The following TNS3 variants were observed in gnomAD, a reference collection of about 807,000 sequenced individuals.
TNS3 encodes tensin 3, also known as tensin-3.
Under a neutral mutation model 140.9 loss-of-function variants are expected in TNS3, and 45 were observed. That is an observed-to-expected ratio of 0.32 (90% CI 0.25 to 0.41). TNS3 has a LOEUF of 0.41. Ranked by LOEUF, TNS3 falls within the 10% of genes least tolerant of loss-of-function variation. The pLI is 1.00. For synonymous variants in TNS3, 815 were observed against 788.4 expected, an observed-to-expected ratio of 1.03 and a Z score of -0.56; for missense variants, 1,716 against 1,906.7, an observed-to-expected ratio of 0.90 and a Z score of 1.86.
intron 4 of TNS3, among the ~76,000 whole-genome samples, chr7:47,450,427 T>C (rs561525756): frequency 2.6e-5 from 4 of 152,340 alleles, no homozygotes; most frequent in African/African-American, 9.6e-5. Flanking sequence ...TACACATGAC[T>C]ATAAACTGTG....
intron 4 of TNS3, among the ~76,000 whole-genome samples, chr7:47,480,684 T>C (rs1444781607): frequency 2.0e-5 from 3 of 152,176 alleles, no homozygotes; most frequent in Admixed American, 6.5e-5. Flanking sequence ...CACCCAGTAT[T>C]TGTCAGAGCT....
In TNS3 at chr7:47,300,109, GT is replaced by G. The variant is rs1407412494; in HGVS notation, c.3544+2076del. On this transcript the variant is annotated intron_variant, in intron 23 of 30. Coordinates refer to ENST00000311160, the MANE Select transcript of TNS3 (RefSeq NM_022748.12). ...GCACTCCCAAAGAGGTTATCTGGGT[GT>G]TTTTTTTCCTCCTGCATCACCCTGA... 2.0e-5 allele frequency among the ~76,000 whole-genome samples: 3 copies of G among 151,938 alleles called. 1 individual carries two copies. The highest frequency in any genetic ancestry group is 4.4e-5 in the Non-Finnish European group (3 of 67,990).
At chr7:47,439,851 G>A (rs1043618026) in intron 5 of TNS3, among the ~76,000 whole-genome samples, 193 bp from the exon 6 acceptor site, 1 of 152,140 alleles carries the variant, frequency 6.6e-6, no homozygotes, top group Non-Finnish European at 1.5e-5. Context: ...GTGTGGGGAG[G>A]GGCACAAGAT....
chr7:47,422,899 A>C (rs1024638276), intron 10 of TNS3, among the ~76,000 whole-genome samples: 4 of 152,002 alleles, frequency 2.6e-5, no homozygotes, highest in African/African-American at 4.8e-5. Flanking sequence ...AACCCAAGTG[A>C]CTGTTTAACT....
At chr7:47,470,121 A>T (rs549917763) in intron 4 of TNS3, among the ~76,000 whole-genome samples, 1 of 152,288 alleles carries the variant, frequency 6.6e-6, no homozygotes, top group South Asian at 2.1e-4. Context: ...GGAACAGAAA[A>T]CAAAACACCA....
At chr7:47,435,148 TA>T in intron 8 of TNS3, 133 bp downstream of exon 8, 1 of 1,229,950 alleles carries the variant, frequency 8.1e-7, no homozygotes, top group Non-Finnish European at 1.1e-6. Context: ...TAGGAAAACC[TA>T]AAGACAAACC....
intron 1 of TNS3, among the ~76,000 whole-genome samples, chr7:47,545,247 C>T (rs1364166445): frequency 1.3e-5 from 2 of 148,764 alleles, no homozygotes; most frequent in Non-Finnish European, 3.0e-5. Context: ...TCAAGCGATT[C>T]TCCTGCCTCA....
intron 16 of TNS3, among the ~76,000 whole-genome samples, chr7:47,386,897 T>A (rs1792107160): frequency 6.6e-6 from 1 of 152,236 alleles, no homozygotes; most frequent in Non-Finnish European, 1.5e-5. Context: ...CAATCTGTGC[T>A]ATGTTAAAAA....
At chr7:47,321,997 C>A in intron 20 of TNS3, among the ~76,000 whole-genome samples, 1 of 152,094 alleles carries the variant, frequency 6.6e-6, no homozygotes, top group Non-Finnish European at 1.5e-5. Flanking sequence ...CTTCCCGACC[C>A]TCCCAGCTGT....
At position 47,400,865 on chromosome 7, in the gene TNS3, A is replaced by C; in HGVS notation, c.773T>G (p.Phe258Cys). The C allele has an allele frequency of 6.2e-7, 1 of 1,614,210 alleles. No individual in the cohort carries two copies. ...KYRSATRDVI[F>C]RLQFHTGAVQ... ...AGCCCCAGTGTGAAACTGCAGGCGG[A>C]AAATGACGTCACGGGTGGCCGAGCG... Residue 258 changes from phenylalanine (F) to cysteine (C), a missense_variant, in exon 14 of 31, where the codon TTC becomes TGC. Phe to Cys is a radical substitution (Grantham distance 205). This residue lies in a region of TNS3 where 337 missense variants were observed against 428.9 expected (regional missense o/e 0.79). Coordinates refer to ENST00000311160, the MANE Select transcript of TNS3 (RefSeq NM_022748.12).
intron 20 of TNS3, among the ~76,000 whole-genome samples, chr7:47,317,196 C>T (rs73109035): frequency 0.031 from 4,672 of 152,302 alleles, 101 homozygotes; most frequent in Non-Finnish European, 0.045. Context: ...TCTTATTCCC[C>T]CAGTGAAGCC....
chr7:47,369,694 T>C (rs1790942607), intron 16 of TNS3, 73 bp from the exon 17 acceptor site: 1 of 1,457,904 alleles, frequency 6.9e-7, no homozygotes, highest in Admixed American at 2.3e-5. Flanking sequence ...TGAATGGGCG[T>C]GTGCATCTGT....
At chr7:47,319,497 T>TAA (rs1787604659) in intron 20 of TNS3, among the ~76,000 whole-genome samples, 1 of 152,074 alleles carries the variant, frequency 6.6e-6, no homozygotes, top group Non-Finnish European at 1.5e-5. Context: ...GAGAACTCAC[T>TAA]CGTTACCATG....
chr7:47,369,457 T>C lies in TNS3; in HGVS notation c.1189A>G (p.Thr397Ala). 1 of 1,614,182 alleles carries C rather than the reference T, an allele frequency of 6.2e-7. No homozygotes were observed. Among genetic ancestry groups the C allele is most frequent in the East Asian group, 2.2e-5 (1 of 44,880 alleles). ...LSVSSDSGHS[T>A]ASARTDKTEE... Reference sequence around the variant, plus strand: ...GTCTTATCCGTCCTGGCAGAGGCTGTAGAGTGGCCGGAGTCACTGCTGACA... The same window carrying C: ...GTCTTATCCGTCCTGGCAGAGGCTGCAGAGTGGCCGGAGTCACTGCTGACA... The change falls in exon 17 of 31, where the codon ACA (threonine) becomes GCA (alanine). Residue 397 changes from threonine to alanine, a missense_variant. Transcript: ENST00000311160.
intron 20 of TNS3, among the ~76,000 whole-genome samples, chr7:47,313,602 A>T (rs139253644): frequency 3.3e-5 from 5 of 152,346 alleles, no homozygotes; most frequent in African/African-American, 1.2e-4. Flanking sequence ...TCTATGACTG[A>T]CATTGCTCTT....
rs1267804443 is a variant in TNS3 at position 47,367,830 on chromosome 7, C to T, written c.2281+535G>A. ...CCCACACCACCACGGCCAACTCTGA[C>T]AGGTGTATTTGTAATCAGAACATTT... is the stretch of plus-strand genomic sequence containing the variant. On this transcript the variant is annotated intron_variant, in intron 17 of 30. Transcript: ENST00000311160. Among the ~76,000 whole-genome samples, 4 of 152,348 alleles carry T rather than the reference C, an allele frequency of 2.6e-5. No individual in the cohort carries two copies. In the South Asian group the frequency reaches 6.2e-4, roughly 24 times the overall value.
chr7:47,504,699 C>T (rs1293877496), intron 3 of TNS3, among the ~76,000 whole-genome samples: 2 of 152,196 alleles, frequency 1.3e-5, no homozygotes, highest in Non-Finnish European at 2.9e-5. Flanking sequence ...GAAGACCGAG[C>T]GGCTCCCTTA....
intron 17 of TNS3, among the ~76,000 whole-genome samples, chr7:47,353,644 G>C (rs1027692981): frequency 3.3e-5 from 5 of 152,136 alleles, no homozygotes; most frequent in Admixed American, 3.3e-4. Context: ...TTAATTGTTT[G>C]AGTCCATCAA....
chr7:47,374,633 C>G (rs1791269462), intron 16 of TNS3, among the ~76,000 whole-genome samples: 1 of 152,210 alleles, frequency 6.6e-6, no homozygotes, highest in Non-Finnish European at 1.5e-5. Flanking sequence ...GGCTGACTGC[C>G]AGTCTCGCCA....
Sources: gnomAD v4.1 joint callset for allele counts (sites outside exome capture counted in the v4.1 genomes callset) on GRCh38, gnomAD v4.1.1 for gene constraint, gnomAD v4.1.1 regional missense constraint, MANE v1.5 for transcripts, NCBI Gene and HGNC (gene_info 2026-07-23, HGNC 2026-07-21) for gene names.